Variants in MRPS9 observed in about 807,000 individuals in gnomAD.
MRPS9 encodes the protein mitochondrial ribosomal protein S9, also known as small ribosomal subunit protein uS9m.
A neutral mutation model predicts 59.9 loss-of-function variants in MRPS9; 45 were observed. The observed-to-expected ratio is 0.75, with a 90% CI of 0.59 to 0.96. MRPS9 has a LOEUF of 0.96. MRPS9 is among the 40% of genes least tolerant of loss of function. MRPS9 has a pLI of 0.00. For synonymous variants in MRPS9, 171 were observed against 166.8 expected (o/e 1.03, Z -0.19); for missense variants, 473 against 481.1 (o/e 0.98, Z 0.16).
At chr2:105,090,223 G>A (rs960978854) in intron 7 of MRPS9, among the ~76,000 whole-genome samples, 1 of 152,210 alleles carries the variant, frequency 6.6e-6, no homozygotes, top group African/African-American at 2.4e-5. Flanking sequence ...GACTTGTCGA[G>A]TCTCCAAGTC....
At position 105,070,031 on chromosome 2, in the gene MRPS9, C is replaced by G. The variant is rs1680084852; in HGVS notation, c.316-1282C>G. On this transcript the variant is annotated intron_variant, in intron 2 of 10. Coordinates refer to ENST00000258455, the MANE Select transcript of MRPS9 (RefSeq NM_182640.3). ...TGATCTAATAAAAGAAAAAGTCTAC[C>G]TTTTTTCCCTGCAGCAAAGGAAGGG... 2.6e-5 allele frequency among the ~76,000 whole-genome samples: 4 copies of G among 151,896 alleles called. No homozygotes were observed. In the South Asian group the frequency reaches 8.3e-4, roughly 32 times the overall value.
At chr2:105,041,280 T>G (rs1158614421) in intron 1 of MRPS9, among the ~76,000 whole-genome samples, 1 of 152,218 alleles carries the variant, frequency 6.6e-6, no homozygotes, top group Non-Finnish European at 1.5e-5. Context: ...ATTTTTATAA[T>G]AAGGAAAAAC....
At chr2:105,046,963 C>T (rs1394565959) in intron 1 of MRPS9, among the ~76,000 whole-genome samples, 1 of 151,836 alleles carries the variant, frequency 6.6e-6, no homozygotes, top group Non-Finnish European at 1.5e-5. Flanking sequence ...TTCTCCATTG[C>T]CCAAAGAAGA....
Position 105,093,603 on chromosome 2 carries a change from T to C in MRPS9, c.894T>C (p.Ile298=). 1 of 1,607,264 alleles carries C rather than the reference T, an allele frequency of 6.2e-7. No homozygotes were observed. Among genetic ancestry groups the C allele is most frequent in the Non-Finnish European group, 8.5e-7 (1 of 1,176,546 alleles). ...HGSGRIKVNG[I]DYQLYFPITQ... ...GTGGAAGAATAAAAGTAAATGGAAT[T>C]GATTACCAGCTTTACTTCCCGATCA... The change falls in exon 9 of 11, where the codon ATT becomes ATC. Residue 298 remains isoleucine, a synonymous_variant. Transcript: ENST00000258455.
At chr2:105,062,579 A>G (rs780976041) in intron 2 of MRPS9, among the ~76,000 whole-genome samples, 11 of 152,232 alleles carry the variant, frequency 7.2e-5, no homozygotes, top group South Asian at 2.1e-4. Flanking sequence ...GTGTTTGTTA[A>G]TTTAGACCAA....
At chr2:105,096,751 CAT>C (rs375008507) in intron 9 of MRPS9, among the ~76,000 whole-genome samples, 16 of 152,256 alleles carry the variant, frequency 1.1e-4, no homozygotes, top group African/African-American at 2.2e-4. Context: ...ATCCAAATGA[CAT>C]GTGATAATTG....
At position 105,097,195 on chromosome 2, in the gene MRPS9, G is replaced by C. The variant is rs1291961731; in HGVS notation, c.970G>C (p.Gly324Arg). 1 of 1,601,444 alleles carries C rather than the reference G, an allele frequency of 6.2e-7. No individual in the cohort carries two copies. Among genetic ancestry groups the C allele is most frequent in the Non-Finnish European group, 8.5e-7 (1 of 1,174,526 alleles). The change falls in exon 10 of 11, where the codon GGA (glycine) becomes CGA (arginine). Residue 324 changes from glycine (G) to arginine (R), a missense_variant. Physicochemically the swap from Gly to Arg is moderately radical, Grantham distance 125 (BLOSUM62 -2). Coordinates refer to ENST00000258455, the MANE Select transcript of MRPS9 (RefSeq NM_182640.3). ...MFPFHFVDRLGKHDVTCTVSG... is the reference protein window; with the variant it reads ...MFPFHFVDRLRKHDVTCTVSG... ...CCCTTTCCACTTTGTTGACCGGCTGGGAAAGCACGACGTGACCTGCACAGT... is the reference window on the plus strand; with the variant it reads ...CCCTTTCCACTTTGTTGACCGGCTGCGAAAGCACGACGTGACCTGCACAGT...
chr2:105,053,662 A>G (rs1679750301), intron 2 of MRPS9, among the ~76,000 whole-genome samples: 1 of 152,194 alleles, frequency 6.6e-6, no homozygotes, highest in South Asian at 2.1e-4. Context: ...GTAGAAACCA[A>G]TTTTAAACAA....
intron 2 of MRPS9, 98 bp from the exon 3 acceptor site, chr2:105,071,215 T>A: frequency 1.1e-6 from 1 of 879,380 alleles, no homozygotes; most frequent in Non-Finnish European, 1.8e-6. Context: ...GCTTTGAAAC[T>A]CTAGTTCAAT....
chr2:105,070,714 A>G (rs76835126), intron 2 of MRPS9, among the ~76,000 whole-genome samples: 2,688 of 152,278 alleles, frequency 0.018, 80 homozygotes, highest in African/African-American at 0.062. Context: ...GTTATTACTG[A>G]TGCCGACTGG....
chr2:105,088,942 G>A (rs1385234281), intron 5 of MRPS9, 42 bp from the exon 6 acceptor site: 1 of 1,345,708 alleles, frequency 7.4e-7, no homozygotes, highest in Non-Finnish European at 1.0e-6. Context: ...ATGTACCATT[G>A]CTCTTATTTT....
At chr2:105,075,803 A>T (rs56017884) in intron 4 of MRPS9, among the ~76,000 whole-genome samples, 30,211 of 152,156 alleles carry the variant, frequency 0.2, 3,128 homozygotes, top group Middle Eastern at 0.35. Flanking sequence ...AAAATTGAGC[A>T]TTAATTTTTT....
intron 9 of MRPS9, 33 bp from the exon 10 acceptor site, chr2:105,097,122 A>C: frequency 6.9e-7 from 1 of 1,441,326 alleles, no homozygotes; most frequent in Non-Finnish European, 9.2e-7. Flanking sequence ...CTTTATAGTA[A>C]ACGTAACCAC....
intron 5 of MRPS9, among the ~76,000 whole-genome samples, chr2:105,087,812 C>A (rs1379754457): frequency 2.8e-5 from 4 of 143,716 alleles, no homozygotes; most frequent in African/African-American, 1.1e-4. Context: ...TCCTTCCTTC[C>A]TTCCTTCCTT....
chr2:105,076,276 T>C (rs1308988419), intron 4 of MRPS9, among the ~76,000 whole-genome samples: 2 of 152,242 alleles, frequency 1.3e-5, no homozygotes, highest in African/African-American at 4.8e-5. Context: ...AGAGATCATA[T>C]GAGCATCCTG....
intron 4 of MRPS9, among the ~76,000 whole-genome samples, chr2:105,072,352 C>T (rs1680131027): frequency 6.6e-6 from 1 of 151,786 alleles, no homozygotes; most frequent in Admixed American, 6.6e-5. Flanking sequence ...AATCTGAGTG[C>T]AGAATATTTT....
chr2:105,097,740 A>G (rs1380565632), intron 10 of MRPS9, among the ~76,000 whole-genome samples: 1 of 152,188 alleles, frequency 6.6e-6, no homozygotes, highest in Non-Finnish European at 1.5e-5. Flanking sequence ...TCTCTCTGTC[A>G]GCCAGGCTGG....
In MRPS9 at chr2:105,050,307, T is replaced by A. The variant is rs530093604; in HGVS notation, c.315+957T>A. Reference sequence around the variant, plus strand: ...GGCACGCACCACCATACCCAGATAATTTTTGTATTTTTAGTACAGATGGGG... The same window carrying A: ...GGCACGCACCACCATACCCAGATAAATTTTGTATTTTTAGTACAGATGGGG... On this transcript the variant is annotated intron_variant, in intron 2 of 10. Transcript: ENST00000258455. Among the ~76,000 whole-genome samples, 13 of 152,226 alleles carry A rather than the reference T, an allele frequency of 8.5e-5. No homozygotes were observed. In the South Asian group the frequency reaches 2.7e-3, roughly 32 times the overall value.
chr2:105,082,411 G>A (rs556718448), intron 5 of MRPS9, among the ~76,000 whole-genome samples: 6 of 152,280 alleles, frequency 3.9e-5, no homozygotes, highest in South Asian at 4.1e-4. Flanking sequence ...TTCTGATGCC[G>A]ATTAACCTTC....
Sources: gnomAD v4.1 joint callset for allele counts (sites outside exome capture counted in the v4.1 genomes callset) on GRCh38, gnomAD v4.1.1 for gene constraint, MANE v1.5 for transcripts, NCBI Gene and HGNC (gene_info 2026-07-23, HGNC 2026-07-21) for gene names.